The following SLC39A10 variants were observed in gnomAD, a reference collection of about 807,000 sequenced individuals.
SLC39A10 encodes solute carrier family 39 member 10, also known as zinc transporter ZIP10.
In SLC39A10, 13 loss-of-function variants were observed where a neutral mutation model predicts 65.1. The observed-to-expected ratio is 0.20, with a 90% CI of 0.13 to 0.32. The LOEUF (loss-of-function observed/expected upper bound fraction) is 0.32, where lower values mean the gene tolerates loss of function less well. SLC39A10 is among the 10% of genes least tolerant of loss of function. The pLI is 1.00. For missense variants in SLC39A10, 831 were observed against 1,018.4 expected, an observed-to-expected ratio of 0.82 and a Z score of 2.50; for synonymous variants, 321 against 342.2, an observed-to-expected ratio of 0.94 and a Z score of 0.68.
At chr2:195,719,248 G>A (rs189620138) in intron 8 of SLC39A10, among the ~76,000 whole-genome samples, 4 of 150,548 alleles carry the variant, frequency 2.7e-5, no homozygotes, top group East Asian at 2.0e-4. Context: ...GCTTTGATTC[G>A]CTTTCCTGAT....
intron 5 of SLC39A10, 49 bp from the exon 6 acceptor site, chr2:195,713,384 T>C: frequency 7.1e-7 from 1 of 1,413,306 alleles, no homozygotes; most frequent in Non-Finnish European, 9.4e-7. Flanking sequence ...GCTAATTGTG[T>C]CCTCACATTT....
intron 2 of SLC39A10, among the ~76,000 whole-genome samples, chr2:195,625,538 A>G (rs1688455102): frequency 6.6e-6 from 1 of 151,954 alleles, no homozygotes; most frequent in African/African-American, 2.4e-5. Context: ...CGGCCTCCCA[A>G]AGTGCTAGGA....
chr2:195,718,135 C>A, intron 7 of SLC39A10, 117 bp from the exon 8 acceptor site: 1 of 684,730 alleles, frequency 1.5e-6, no homozygotes, highest in Non-Finnish European at 2.5e-6. Flanking sequence ...ATAAGTGAGT[C>A]ACTCATATGT....
intron 2 of SLC39A10, among the ~76,000 whole-genome samples, chr2:195,636,829 A>G (rs1381200189): frequency 6.6e-6 from 1 of 152,150 alleles, no homozygotes; most frequent in Non-Finnish European, 1.5e-5. Flanking sequence ...TGAGCCCAGG[A>G]GTTCAAGACC....
rs542710118 is a variant in SLC39A10, at chr2:195,617,700, G to GTTTATTTTAT, written c.-12+11470_-12+11471insATTTTATTTT. On this transcript the variant is annotated intron_variant, in intron 2 of 2. Coordinates refer to the SLC39A10 transcript ENST00000458054. ...AGCCTAGGCAACATAGTGAGACCTT[G>GTTTATTTTAT]TTTCTTTTCTTTTCTTTTCTTTTCT... is the stretch of plus-strand genomic sequence containing the variant. Among the ~76,000 whole-genome samples the GTTTATTTTAT allele has an allele frequency of 5.1e-5, 5 of 97,542 alleles. No homozygotes were observed. The South Asian group carries it at 9.3e-4, about 18-fold the overall frequency. 64.0% of individuals were successfully genotyped at this position (97,542 alleles called of 152,430 possible).
In SLC39A10 at chr2:195,718,090, A is replaced by G. The variant is rs1439952587; in HGVS notation, c.2066-162A>G. Among the ~76,000 whole-genome samples the G allele has an allele frequency of 3.9e-5, 6 of 152,212 alleles. No individual in the cohort carries two copies. In the East Asian group the frequency reaches 1.2e-3, roughly 29 times the overall value. ...TCTCTAGTTGTTACATACTTATTAT[A>G]CTCCACTATATGTTCAAAAACTATA... On this transcript the variant is annotated intron_variant, in intron 7 of 9. Coordinates refer to ENST00000359634, the MANE Select transcript of SLC39A10 (RefSeq NM_020342.3).
chr2:195,650,180 G>A (rs1355059035), intron 2 of SLC39A10, among the ~76,000 whole-genome samples: 1 of 151,838 alleles, frequency 6.6e-6, no homozygotes, highest in Non-Finnish European at 1.5e-5. Context: ...TACTCAGGCG[G>A]CTGAGGTGGG....
chr2:195,635,070 AAAAAC>A (rs933021014), intron 2 of SLC39A10, among the ~76,000 whole-genome samples: 20 of 152,134 alleles, frequency 1.3e-4, no homozygotes, highest in Non-Finnish European at 2.6e-4. Flanking sequence ...AAACAAAACA[AAAAAC>A]AAAACAAAAC....
At chr2:195,702,778 C>T (rs910112303) in intron 3 of SLC39A10, among the ~76,000 whole-genome samples, 10 of 152,210 alleles carry the variant, frequency 6.6e-5, no homozygotes, top group African/African-American at 2.4e-4. Flanking sequence ...AGTTTTGGCA[C>T]CAGTTGAGCG....
intron 1 of SLC39A10, among the ~76,000 whole-genome samples, chr2:195,661,597 C>A (rs920882360): frequency 6.6e-6 from 1 of 152,146 alleles, no homozygotes; most frequent in South Asian, 2.1e-4. Context: ...AATGTTCAGA[C>A]ATGTTAAAAC....
At chr2:195,649,946 C>A (rs571644417) in intron 2 of SLC39A10, among the ~76,000 whole-genome samples, 1 of 152,102 alleles carries the variant, frequency 6.6e-6, no homozygotes, top group African/African-American at 2.4e-5. Context: ...TCTAGACAAC[C>A]GTGTTTTCTC....
chr2:195,666,617 C>A (rs1215352302), intron 1 of SLC39A10, among the ~76,000 whole-genome samples: 1 of 152,128 alleles, frequency 6.6e-6, no homozygotes, highest in Admixed American at 6.5e-5. Flanking sequence ...GGCTACCACA[C>A]CTGGCTAATT....
At chr2:195,618,422 CAGG>C (rs1688274051) in intron 2 of SLC39A10, among the ~76,000 whole-genome samples, 1 of 151,028 alleles carries the variant, frequency 6.6e-6, no homozygotes, top group South Asian at 2.1e-4. Flanking sequence ...GATTCAAATC[CAGG>C]AGATCAGTTC....
Position 195,718,282 on chromosome 2 carries a change from G to C in SLC39A10, c.2096G>C (p.Gly699Ala). Reference sequence around the variant, plus strand: ...GCTTTCAGTGCTGGATTGACAGGAGGAATCAGTACTTCTATAGCCGTCTTC... The same window carrying C: ...GCTTTCAGTGCTGGATTGACAGGAGCAATCAGTACTTCTATAGCCGTCTTC... Reference protein sequence around the residue: ...GAAFSAGLTGGISTSIAVFCH... With the variant: ...GAAFSAGLTGAISTSIAVFCH... The change falls in exon 8 of 10, where the codon GGA becomes GCA. Residue 699 changes from glycine (G) to alanine (A), a missense_variant. This residue lies in a region of SLC39A10 where 120 missense variants were observed against 203.9 expected (regional missense o/e 0.59). Transcript: ENST00000359634. 1 of 1,606,888 alleles carries C rather than the reference G, an allele frequency of 6.2e-7. No homozygotes were observed. The highest frequency in any genetic ancestry group is 8.5e-7 in the Non-Finnish European group (1 of 1,174,966).
chr2:195,714,697 A>G (rs1351163956), intron 6 of SLC39A10, among the ~76,000 whole-genome samples: 1 of 152,246 alleles, frequency 6.6e-6, no homozygotes, highest in Non-Finnish European at 1.5e-5. Context: ...AATATTTAAT[A>G]CTTTACATTA....
chr2:195,695,691 C>T (rs909966434), intron 3 of SLC39A10, among the ~76,000 whole-genome samples: 3 of 152,392 alleles, frequency 2.0e-5, no homozygotes, highest in African/African-American at 7.2e-5. Context: ...TCTCCACATG[C>T]TGCTCTGTCC....
intron 8 of SLC39A10, among the ~76,000 whole-genome samples, chr2:195,721,082 C>T (rs974807294): frequency 3.9e-5 from 6 of 152,100 alleles, no homozygotes; most frequent in Admixed American, 1.3e-4. Flanking sequence ...GCTGGGACTA[C>T]AGGCGTGCAC....
chr2:195,654,245 G>A (rs903226570), upstream of SLC39A10, among the ~76,000 whole-genome samples: 1 of 152,116 alleles, frequency 6.6e-6, no homozygotes, highest in Non-Finnish European at 1.5e-5. Context: ...GGCAGAATTA[G>A]TCATGTTCTT....
intron 3 of SLC39A10, among the ~76,000 whole-genome samples, chr2:195,697,644 A>G (rs184882982): frequency 1.4e-3 from 220 of 151,994 alleles, no homozygotes; most frequent in African/African-American, 5.0e-3. Context: ...GACAGCCTAC[A>G]GAATGGGAGA....
Sources: allele counts gnomAD v4.1 joint callset (sites outside exome capture counted in the v4.1 genomes callset), GRCh38; gene constraint gnomAD v4.1.1; regional missense constraint gnomAD v4.1.1; transcripts MANE v1.5; gene names NCBI Gene and HGNC (gene_info 2026-07-23, HGNC 2026-07-21).